Variants in ZNF606 observed in about 807,000 individuals in gnomAD.
ZNF606 encodes zinc finger protein 328.
In ZNF606, 37 loss-of-function variants were observed where a neutral mutation model predicts 74.9. The ratio of observed to expected loss-of-function variants is 0.49; its 90% CI spans 0.38 to 0.65. The LOEUF is 0.65. Among genes scored for constraint, ZNF606 ranks in the 30% least tolerant of loss-of-function variants. The pLI, the probability that ZNF606 is intolerant of heterozygous loss-of-function variation, is 0.00. For synonymous variants in ZNF606, 328 were observed against 312.4 expected, an observed-to-expected ratio of 1.05 and a Z score of -0.53; for missense variants, 852 against 952.9, an observed-to-expected ratio of 0.89 and a Z score of 1.39.
At chr19:57,997,337 A>G (rs976371829) in intron 4 of ZNF606, 1 of 152,230 alleles carries the variant, frequency 6.6e-6, no homozygotes, top group African/African-American at 2.4e-5. Flanking sequence ...TTAAAACCTC[A>G]CTATTCAACA....
rs531618487 is a variant in ZNF606, at chr19:58,001,357, C to T, written c.-38G>A. 6.2e-7 allele frequency: 1 copy of T among 1,614,000 alleles called. No individual in the cohort carries two copies. Among genetic ancestry groups the T allele is most frequent in the African/African-American group, 1.3e-5 (1 of 75,034 alleles). On this transcript the variant is annotated 5_prime_UTR_variant, in exon 2 of 7. It adds an upstream start codon to the 5' untranslated region. Transcript: ENST00000551380. Reference sequence around the variant, plus strand: ...TTGACCAGGCACCTGCCCAGGAACACAGCAAATCCCAACCTAGTGACAAAA... The same window carrying T: ...TTGACCAGGCACCTGCCCAGGAACATAGCAAATCCCAACCTAGTGACAAAA...
At position 57,990,781 on chromosome 19, in the gene ZNF606, T is replaced by C. The variant is rs904165902; in HGVS notation, c.178-2060A>G. Among the ~76,000 whole-genome samples the C allele has an allele frequency of 2.0e-5, 3 of 152,240 alleles. No individual in the cohort carries two copies. The South Asian group carries it at 6.2e-4, about 32-fold the overall frequency. ...GCTGAATTTTCAGTGTATCCATTTT[T>C]ACTCTGTCTCAATTGCTTCCCCTCT... is the stretch of plus-strand genomic sequence containing the variant. On this transcript the variant is annotated intron_variant, in intron 4 of 6. Transcript: ENST00000551380.
chr19:57,977,705 T>G lies in ZNF606; in HGVS notation c.*596A>C, dbSNP rs2073011178. On this transcript the variant is annotated 3_prime_UTR_variant, in exon 7 of 7. Coordinates refer to ENST00000551380, the MANE Select transcript of ZNF606 (RefSeq NM_001348022.3). ...AATAACTTTTCTACCGTTAGTCATC[T>G]CATTCATTAATTTTCTCTAAGGAGG... The G allele has an allele frequency of 6.6e-6, 1 of 152,230 alleles. No individual in the cohort carries two copies. Among genetic ancestry groups the G allele is most frequent in the Admixed American group, 6.5e-5 (1 of 15,274 alleles). The allele number at this position is 152,230 out of a possible 1,614,324, so 9.4% of individuals were successfully genotyped here. A position where few individuals can be genotyped will look rare whatever the true frequency, so the allele number is the denominator to read the frequency against.
chr19:57,980,131 T>C lies in ZNF606; in HGVS notation c.549A>G (p.Leu183=), dbSNP rs1051133551. Residue 183 remains leucine (L), a synonymous_variant, in exon 7 of 7, where the codon TTA becomes TTG. Coordinates refer to ENST00000551380, the MANE Select transcript of ZNF606 (RefSeq NM_001348022.3). The part of the protein sequence containing the change: ...RLEVLGCKDQ[L]EMYHMNQSTA... ...TACTCTGGTTCATGTGGTACATTTCTAATTGGTCTTTACATCCCAAAACTT... is the reference window on the plus strand; with the variant it reads ...TACTCTGGTTCATGTGGTACATTTCCAATTGGTCTTTACATCCCAAAACTT... The C allele has an allele frequency of 6.2e-7, 1 of 1,614,166 alleles. No homozygotes were observed. Among genetic ancestry groups the C allele is most frequent in the Non-Finnish European group, 8.5e-7 (1 of 1,180,048 alleles).
chr19:57,988,962 G>A (rs1387064442), intron 4 of ZNF606, among the ~76,000 whole-genome samples: 1 of 152,178 alleles, frequency 6.6e-6, no homozygotes, highest in African/African-American at 2.4e-5. Context: ...AAGCTGAGCA[G>A]GTCTCTTCGA....
At chr19:57,985,234 C>A (rs1271435033) in intron 6 of ZNF606, among the ~76,000 whole-genome samples, 3 of 152,188 alleles carry the variant, frequency 2.0e-5, no homozygotes, top group African/African-American at 7.2e-5. Context: ...TTCTAACTTA[C>A]CCCGGTCCCA....
rs928871181 is a variant in ZNF606 at position 57,991,374 on chromosome 19, T to A, written c.178-2653A>T. Among the ~76,000 whole-genome samples the A allele has an allele frequency of 2.6e-5, 4 of 152,166 alleles. No individual in the cohort carries two copies. In the East Asian group the frequency reaches 7.7e-4, roughly 29 times the overall value. On this transcript the variant is annotated intron_variant, in intron 4 of 6. Coordinates refer to ENST00000551380, the MANE Select transcript of ZNF606 (RefSeq NM_001348022.3). ...GCATTTGGAAGTGCTGGCCACAACC[T>A]CCCTCTATGAAACACTCCCCAACCC...
In ZNF606 at chr19:57,979,317, G is replaced by GTTT; in HGVS notation, c.1360_1362dup (p.Lys454dup). ...TTTCCACATTTATTACATTCATAGG[G>GTTT]TTTTATTCCAGTGTGAGTCCGTTCA... is the stretch of plus-strand genomic sequence containing the variant. On this transcript the variant is annotated inframe_insertion, in exon 7 of 7. Transcript: ENST00000551380. The GTTT allele has an allele frequency of 6.2e-7, 1 of 1,613,922 alleles. No homozygotes were observed. Among genetic ancestry groups the GTTT allele is most frequent in the East Asian group, 2.2e-5 (1 of 44,866 alleles).
At position 57,978,502 on chromosome 19, in the gene ZNF606, G is replaced by A; in HGVS notation, c.2178C>T (p.His726=). 1 of 1,613,846 alleles carries A rather than the reference G, an allele frequency of 6.2e-7. No homozygotes were observed. Among genetic ancestry groups the A allele is most frequent in the Non-Finnish European group, 8.5e-7 (1 of 1,179,818 alleles). ...GCTTTTCTCCAGTATGGTTTCTTAGGTGTACAATAAGGGATGAACTCTCAT... is the reference window on the plus strand; with the variant it reads ...GCTTTTCTCCAGTATGGTTTCTTAGATGTACAATAAGGGATGAACTCTCAT... ...AFNESSSLIV[H]LRNHTGEKPY... Residue 726 remains histidine, a synonymous_variant, in exon 7 of 7, where the codon CAC becomes CAT. Transcript: ENST00000551380. This position sits in a 1 kb window ranked among gnomAD's most constrained non-coding sequence, Gnocchi z 4.4.
At chr19:57,990,415 T>C (rs1300924142) in intron 4 of ZNF606, among the ~76,000 whole-genome samples, 3 of 150,978 alleles carry the variant, frequency 2.0e-5, no homozygotes, top group South Asian at 2.1e-4. Flanking sequence ...TGCACACCTG[T>C]AGTCCCAGCT....
chr19:58,001,590 A>C (rs1389881083), intron 1 of ZNF606, among the ~76,000 whole-genome samples: 1 of 152,272 alleles, frequency 6.6e-6, no homozygotes, highest in Non-Finnish European at 1.5e-5. Context: ...ATGAGAGGGT[A>C]CAAATTTGTC....
chr19:57,983,593 A>G (rs1454444481), intron 6 of ZNF606, among the ~76,000 whole-genome samples: 1 of 151,566 alleles, frequency 6.6e-6, no homozygotes, highest in Non-Finnish European at 1.5e-5. Flanking sequence ...AAAAAAAAAG[A>G]AAAGAAAAAG....
At chr19:58,002,311 T>C (rs765220785) in intron 1 of ZNF606, 85 bp downstream of exon 1, 3 of 456,742 alleles carry the variant, frequency 6.6e-6, no homozygotes, top group South Asian at 4.6e-5. Flanking sequence ...AGCATCCTTA[T>C]CACCTGCTTC....
chr19:57,991,200 T>G (rs1486758068), intron 4 of ZNF606, among the ~76,000 whole-genome samples: 1 of 152,208 alleles, frequency 6.6e-6, no homozygotes, highest in Non-Finnish European at 1.5e-5. Context: ...TTCTTTATAT[T>G]TATCATTTTT....
chr19:57,985,302 G>A (rs1314618236), intron 6 of ZNF606, among the ~76,000 whole-genome samples: 1 of 152,172 alleles, frequency 6.6e-6, no homozygotes, highest in Admixed American at 6.5e-5. Flanking sequence ...GTACTTCAGT[G>A]AGCAGAACAA....
chr19:57,984,444 G>A (rs1194635139), intron 6 of ZNF606, among the ~76,000 whole-genome samples: 4 of 152,194 alleles, frequency 2.6e-5, no homozygotes, highest in Non-Finnish European at 4.4e-5. Flanking sequence ...CAATCTGAAT[G>A]GAAAACAACT....
chr19:57,997,247 T>C (rs1260110166), intron 4 of ZNF606: 1 of 152,208 alleles, frequency 6.6e-6, no homozygotes, highest in Non-Finnish European at 1.5e-5. Context: ...GGTTGGGGTT[T>C]TTTAGATGAA....
rs997730686 is a variant in ZNF606 at position 57,985,800 on chromosome 19, G to A, written c.400+2407C>T. Among the ~76,000 whole-genome samples, 3 of 152,102 alleles carry A rather than the reference G, an allele frequency of 2.0e-5. No individual in the cohort carries two copies. The East Asian group carries it at 5.8e-4, about 29-fold the overall frequency. On this transcript the variant is annotated intron_variant, in intron 6 of 6. Transcript: ENST00000551380. ...AAAAAAAAAATTAGCTGGGCGTGGT[G>A]GCGGGCCCCTGTAATCCTAGCTACA...
chr19:57,984,067 T>C (rs530968814), intron 6 of ZNF606, among the ~76,000 whole-genome samples: 2 of 152,136 alleles, frequency 1.3e-5, no homozygotes, highest in Admixed American at 6.5e-5. Flanking sequence ...GGCCGGACTG[T>C]GAGAGTGATG....
Sources: gnomAD v4.1 joint callset for allele counts (sites outside exome capture counted in the v4.1 genomes callset) on GRCh38, gnomAD v4.1.1 for gene constraint, Gnocchi (gnomAD v3.1) non-coding constraint, MANE v1.5 for transcripts, NCBI Gene and HGNC (gene_info 2026-07-23, HGNC 2026-07-21) for gene names.